The following ARSG variants were observed in gnomAD, a reference collection of about 807,000 sequenced individuals.
ARSG encodes arylsulfatase G, also known as ASG.
ARSG carries 37 observed loss-of-function variants against 50.5 expected under a neutral mutation model. The observed-to-expected ratio is 0.73, with a 90% CI of 0.56 to 0.96. The LOEUF (loss-of-function observed/expected upper bound fraction) is 0.96, where lower values mean the gene tolerates loss of function less well. Among genes scored for constraint, ARSG ranks in the 50% least tolerant of loss-of-function variants. ARSG has a pLI of 0.00. For missense variants in ARSG, 629 were observed against 675.3 expected, an observed-to-expected ratio of 0.93 and a Z score of 0.76; for synonymous variants, 225 against 254.6, an observed-to-expected ratio of 0.88 and a Z score of 1.11.
At chr17:68,348,263 G>A (rs962201236) in intron 4 of ARSG, among the ~76,000 whole-genome samples, 3 of 152,086 alleles carry the variant, frequency 2.0e-5, no homozygotes, top group African/African-American at 7.2e-5. Flanking sequence ...TTTCCTCCTT[G>A]GTCTTCAGTT....
intron 6 of ARSG, among the ~76,000 whole-genome samples, chr17:68,360,113 C>G (rs1466724906): frequency 1.3e-5 from 2 of 152,210 alleles, no homozygotes; most frequent in African/African-American, 4.8e-5. Flanking sequence ...GGACATCCAC[C>G]CGTTAATTAA....
chr17:68,269,504 T>C (rs2075262190), intron 1 of ARSG, among the ~76,000 whole-genome samples: 1 of 144,184 alleles, frequency 6.9e-6, no homozygotes, highest in African/African-American at 2.7e-5. Flanking sequence ...AAATCTTTAC[T>C]AGACTGGAGA....
intron 1 of ARSG, among the ~76,000 whole-genome samples, chr17:68,277,410 G>A (rs570187798): frequency 3.9e-5 from 6 of 151,990 alleles, no homozygotes; most frequent in South Asian, 2.1e-4. Context: ...GATTACAGGC[G>A]TGAGCCACCG....
chr17:68,444,056 CAT>C, the ARSG span, among the ~76,000 whole-genome samples: 1 of 152,152 alleles, frequency 6.6e-6, no homozygotes, highest in Non-Finnish European at 1.5e-5. Flanking sequence ...TGTAATAAAA[CAT>C]ATTCTTTATG....
In ARSG at chr17:68,395,168, T is replaced by C; in HGVS notation, c.1187T>C (p.Phe396Ser). 1 of 1,614,126 alleles carries C rather than the reference T, an allele frequency of 6.2e-7. No homozygotes were observed. The highest frequency in any genetic ancestry group is 8.5e-7 in the Non-Finnish European group (1 of 1,179,982). The stretch of plus-strand genomic sequence containing the variant: ...GGTGTGGACGTCTCCGAGGTGCTCT[T>C]TGGCCGGTCACAGCCTGGGCACAGG... ...FDGVDVSEVL[F>S]GRSQPGHRVL... Residue 396 changes from phenylalanine to serine, a missense_variant, in exon 10 of 12, where the codon TTT becomes TCT. Physicochemically the swap from Phe to Ser is radical, Grantham distance 155 (BLOSUM62 -2). Transcript: ENST00000621439.
Position 68,343,599 on chromosome 17 carries a change from T to C in ARSG, c.219-5T>C. ...GCGGTCCTGACCACTGTCCTTTCCC[T>C]GCAGGTTTGTGGATTTCCATGCAGC... On this transcript the variant is annotated splice_region_variant and splice_polypyrimidine_tract_variant and intron_variant, in intron 2 of 11. Transcript: ENST00000621439. The C allele has an allele frequency of 6.2e-7, 1 of 1,603,488 alleles. No individual in the cohort carries two copies. Among genetic ancestry groups the C allele is most frequent in the Non-Finnish European group, 8.5e-7 (1 of 1,173,320 alleles).
chr17:68,440,407 C>A, the ARSG span, among the ~76,000 whole-genome samples: 1 of 152,088 alleles, frequency 6.6e-6, no homozygotes, highest in Non-Finnish European at 1.5e-5. Flanking sequence ...TTACACAAAG[C>A]CTTTTTAAGG....
intron 1 of ARSG, chr17:68,283,150 C>A (rs61237346): frequency 0.23 from 35,183 of 151,686 alleles, 4,419 homozygotes; most frequent in African/African-American, 0.33. Context: ...TTTAAGTTGG[C>A]TGGCGTGGTG....
chr17:68,450,628 G>T, the ARSG span: 2 of 1,434,170 alleles, frequency 1.4e-6, no homozygotes, highest in African/African-American at 1.4e-5. Flanking sequence ...CATTAGAATT[G>T]GAAGCTTGTT....
chr17:68,386,775 G>C (rs1193508706), intron 9 of ARSG, among the ~76,000 whole-genome samples: 1 of 152,156 alleles, frequency 6.6e-6, no homozygotes, highest in Non-Finnish European at 1.5e-5. Context: ...TTGCTTCACA[G>C]AAAGCCAACC....
At chr17:68,299,010 C>T (rs1483688014) in intron 1 of ARSG, among the ~76,000 whole-genome samples, 1 of 145,772 alleles carries the variant, frequency 6.9e-6, no homozygotes, top group Non-Finnish European at 1.5e-5. Context: ...GATAAATCTA[C>T]AAAAATAGAA....
At chr17:68,448,676 C>T in the ARSG span, among the ~76,000 whole-genome samples, 8 of 152,210 alleles carry the variant, frequency 5.3e-5, no homozygotes, top group Admixed American at 1.3e-4. Flanking sequence ...CCGGTCTTTA[C>T]AGATCATTTG....
At chr17:68,344,238 T>C (rs2078406662) in intron 3 of ARSG, among the ~76,000 whole-genome samples, 1 of 152,186 alleles carries the variant, frequency 6.6e-6, no homozygotes, top group Non-Finnish European at 1.5e-5. Flanking sequence ...ATTGCACTTA[T>C]ATCTTATTGG....
the ARSG span, among the ~76,000 whole-genome samples, chr17:68,445,813 C>T: frequency 3.3e-5 from 5 of 152,334 alleles, no homozygotes; most frequent in South Asian, 2.1e-4. Context: ...GAGCAGCTGC[C>T]GACCACCCCT....
chr17:68,435,819 C>T, the ARSG span: 1 of 969,640 alleles, frequency 1.0e-6, no homozygotes, highest in Non-Finnish European at 1.6e-6. Context: ...TGTCCAGCTC[C>T]CTGTCTCTTC....
the ARSG span, chr17:68,428,205 T>G: frequency 6.6e-6 from 1 of 150,896 alleles, no homozygotes; most frequent in African/African-American, 2.5e-5. Context: ...GTAGAGCACT[T>G]TTCAATTCCA....
At chr17:68,424,000 C>T (rs1568616930), downstream of ARSG, among the ~76,000 whole-genome samples, 1 of 152,114 alleles carries the variant, frequency 6.6e-6, no homozygotes, top group Non-Finnish European at 1.5e-5. This position sits in a 1 kb window ranked among gnomAD's most constrained non-coding sequence, Gnocchi z 4.4. Context: ...CATTTGTCCC[C>T]ACGGTGTCTG....
At chr17:68,419,481 CAGG>C (rs2082615105) in intron 11 of ARSG, among the ~76,000 whole-genome samples, 2 of 152,268 alleles carry the variant, frequency 1.3e-5, no homozygotes, top group South Asian at 4.1e-4. Flanking sequence ...GAGGCTGAGG[CAGG>C]AGAATTGCTT....
chr17:68,352,022 A>C (rs2078786621), intron 5 of ARSG, among the ~76,000 whole-genome samples: 1 of 151,452 alleles, frequency 6.6e-6, no homozygotes, highest in African/African-American at 2.4e-5. Flanking sequence ...GACACTGGAC[A>C]TAAGGAGGGA....
Sources: gnomAD v4.1 joint callset for allele counts (sites outside exome capture counted in the v4.1 genomes callset) on GRCh38, gnomAD v4.1.1 for gene constraint, Gnocchi (gnomAD v3.1) non-coding constraint, MANE v1.5 for transcripts, NCBI Gene and HGNC (gene_info 2026-07-23, HGNC 2026-07-21) for gene names.